The following CLIC4 variants were observed in gnomAD, a reference collection of about 807,000 sequenced individuals.
CLIC4 encodes the protein chloride intracellular channel protein 4.
Under a neutral mutation model 24.6 loss-of-function variants are expected in CLIC4, and 13 were observed. That is an observed-to-expected ratio of 0.53 (90% CI 0.34 to 0.84). CLIC4 has a LOEUF of 0.84. Among genes scored for constraint, CLIC4 ranks in the 40% least tolerant of loss-of-function variants. The pLI is 0.01. For missense variants in CLIC4, 227 were observed against 301.7 expected (o/e 0.75, Z 1.83); for synonymous variants, 104 against 111.3 (o/e 0.93, Z 0.41).
At chr1:24,816,719 A>G (rs1571259364) in intron 3 of CLIC4, among the ~76,000 whole-genome samples, 1 of 152,224 alleles carries the variant, frequency 6.6e-6, no homozygotes, top group African/African-American at 2.4e-5. Flanking sequence ...AGCAGGCATG[A>G]AAACAACCAT....
In CLIC4 at chr1:24,760,168, C is replaced by T. The variant is rs567942545; in HGVS notation, c.72+14543C>T. 4.5e-4 allele frequency among the ~76,000 whole-genome samples: 69 copies of T among 152,050 alleles called. 1 individual carries two copies. In the South Asian group the frequency reaches 0.013, roughly 30 times the overall value. ...ATCAGTTGAGGTCAGGAGTTTGAGA[C>T]AGCCTGGCCAACATGGGGAAACCCC... On this transcript the variant is annotated intron_variant, in intron 1 of 5. Coordinates refer to ENST00000374379, the MANE Select transcript of CLIC4 (RefSeq NM_013943.3).
intron 1 of CLIC4, among the ~76,000 whole-genome samples, chr1:24,778,461 T>A (rs952768027): frequency 2.1e-4 from 32 of 152,340 alleles, no homozygotes; most frequent in African/African-American, 6.7e-4. Context: ...TTATTGTAGT[T>A]GATACTTATA....
chr1:24,756,011 T>G (rs943520757), intron 1 of CLIC4, among the ~76,000 whole-genome samples: 4 of 148,882 alleles, frequency 2.7e-5, no homozygotes, highest in Non-Finnish European at 6.0e-5. Context: ...TTTTTTTTTT[T>G]TTTTTTGAGA....
intron 1 of CLIC4, among the ~76,000 whole-genome samples, chr1:24,779,461 G>A (rs1639178774): frequency 6.6e-6 from 1 of 152,088 alleles, no homozygotes; most frequent in Non-Finnish European, 1.5e-5. Context: ...CTGAGTGAGT[G>A]TTTGTCTCAA....
chr1:24,745,819 C>T (rs945712180), intron 1 of CLIC4, among the ~76,000 whole-genome samples, 194 bp downstream of exon 1: 1 of 151,632 alleles, frequency 6.6e-6, no homozygotes, highest in African/African-American at 2.4e-5. Flanking sequence ...GTCGAGGGGT[C>T]CGGGTTGGGG....
intron 2 of CLIC4, among the ~76,000 whole-genome samples, chr1:24,799,549 G>A (rs1639451159): frequency 1.3e-5 from 2 of 151,496 alleles, no homozygotes; most frequent in Admixed American, 6.6e-5. Context: ...CCCCATCTGG[G>A]AAGTGAGGAG....
chr1:24,814,325 C>G (rs1038653131), intron 3 of CLIC4, 106 bp downstream of exon 3: 1 of 1,268,586 alleles, frequency 7.9e-7, no homozygotes, highest in African/African-American at 1.5e-5. Flanking sequence ...ATGACTAGGA[C>G]TCTCTTCTAT....
intron 1 of CLIC4, among the ~76,000 whole-genome samples, chr1:24,779,459 G>A (rs771008278): frequency 6.6e-6 from 1 of 152,140 alleles, no homozygotes; most frequent in East Asian, 1.9e-4. Flanking sequence ...GGCTGAGTGA[G>A]TGTTTGTCTC....
At chr1:24,756,245 C>T (rs1164856389) in intron 1 of CLIC4, among the ~76,000 whole-genome samples, 15 of 152,112 alleles carry the variant, frequency 9.9e-5, no homozygotes, top group East Asian at 5.8e-4. Context: ...GTGATCCGCC[C>T]GCCTCGGCCT....
intron 2 of CLIC4, among the ~76,000 whole-genome samples, chr1:24,799,685 TC>T (rs1639455766): frequency 1.6e-5 from 2 of 121,282 alleles, no homozygotes; most frequent in African/African-American, 6.7e-5. Context: ...AGCCGCCCCG[TC>T]CGGGAGGGAG....
chr1:24,759,717 G>A (rs1348838892), intron 1 of CLIC4, among the ~76,000 whole-genome samples: 2 of 152,182 alleles, frequency 1.3e-5, no homozygotes, highest in African/African-American at 4.8e-5. Context: ...GAGAGGCCAA[G>A]GTGGGTGGAT....
intron 1 of CLIC4, among the ~76,000 whole-genome samples, chr1:24,746,481 C>G (rs1307903513): frequency 6.6e-6 from 1 of 152,104 alleles, no homozygotes; most frequent in African/African-American, 2.4e-5. Flanking sequence ...TTGCTTTTCT[C>G]TTTAATACTT....
intron 2 of CLIC4, among the ~76,000 whole-genome samples, chr1:24,805,300 G>A (rs1370154700): frequency 2.0e-5 from 3 of 152,084 alleles, no homozygotes; most frequent in African/African-American, 7.2e-5. Flanking sequence ...TTAGTGACAA[G>A]GGGTCTTGGT....
chr1:24,814,242 A>T (rs1639646280), intron 3 of CLIC4, 23 bp downstream of exon 3: 1 of 1,599,832 alleles, frequency 6.3e-7, no homozygotes, highest in African/African-American at 1.3e-5. Context: ...GAAAATACGT[A>T]TGAAAATATT....
intron 2 of CLIC4, among the ~76,000 whole-genome samples, chr1:24,801,220 C>G (rs1305789369): frequency 6.6e-6 from 1 of 152,152 alleles, no homozygotes; most frequent in Non-Finnish European, 1.5e-5. Context: ...AAAGAACTAC[C>G]TGAGACTGGG....
intron 1 of CLIC4, among the ~76,000 whole-genome samples, chr1:24,766,486 T>G (rs867095429): frequency 0.053 from 2,812 of 52,954 alleles, 53 homozygotes; most frequent in African/African-American, 0.21. Context: ...TTTTTTTTTT[T>G]TTTTTTTTTT....
At chr1:24,817,414 C>A (rs879381021) in intron 3 of CLIC4, among the ~76,000 whole-genome samples, 1 of 152,212 alleles carries the variant, frequency 6.6e-6, no homozygotes, top group East Asian at 1.9e-4. Flanking sequence ...TTAAACCTCA[C>A]GAACCAACCT....
At position 24,801,503 on chromosome 1, in the gene CLIC4, C is replaced by T. The variant is rs1639490368; in HGVS notation, c.182+3652C>T. On this transcript the variant is annotated intron_variant, in intron 2 of 5. Transcript: ENST00000374379. ...CACCTCCCACAAGGCCCCTCTTCCA[C>T]CATTGAAAATTACAATTTGATATGA... Among the ~76,000 whole-genome samples, 3 of 152,156 alleles carry T rather than the reference C, an allele frequency of 2.0e-5. No homozygotes were observed. The South Asian group carries it at 6.2e-4, about 32-fold the overall frequency.
intron 1 of CLIC4, among the ~76,000 whole-genome samples, chr1:24,755,316 G>A (rs1392835841): frequency 2.0e-5 from 3 of 150,584 alleles, no homozygotes; most frequent in Non-Finnish European, 4.4e-5. Context: ...GTGCACGCCT[G>A]TAATCCCAGC....
Sources: gnomAD v4.1 joint callset for allele counts (sites outside exome capture counted in the v4.1 genomes callset) on GRCh38, gnomAD v4.1.1 for gene constraint, MANE v1.5 for transcripts, NCBI Gene and HGNC (gene_info 2026-07-23, HGNC 2026-07-21) for gene names.